Variants in JARID2 observed in about 807,000 individuals in gnomAD.
JARID2 encodes the protein protein Jumonji.
JARID2 carries 21 observed loss-of-function variants against 125.6 expected under a neutral mutation model. That is an observed-to-expected ratio of 0.17 (90% CI 0.12 to 0.24). The LOEUF is 0.24. JARID2 is among the 10% of genes least tolerant of loss of function. The pLI is 1.00. For synonymous variants in JARID2, 736 were observed against 661.6 expected (o/e 1.11, Z -1.73); for missense variants, 1,303 against 1,639.6 (o/e 0.79, Z 3.55).
intron 2 of JARID2, among the ~76,000 whole-genome samples, chr6:15,402,562 C>A (rs945552579): frequency 1.3e-5 from 2 of 150,674 alleles, no homozygotes; most frequent in African/African-American, 2.4e-5. Context: ...GAAAAAATCT[C>A]AAAAAAAAAT....
intron 1 of JARID2, among the ~76,000 whole-genome samples, chr6:15,372,748 C>G (rs1764220345): frequency 6.6e-6 from 1 of 151,768 alleles, no homozygotes; most frequent in Non-Finnish European, 1.5e-5. Flanking sequence ...CTCACTCTGT[C>G]TCCCAGGCTG....
At chr6:15,309,787 G>A (rs1761954574) in intron 1 of JARID2, among the ~76,000 whole-genome samples, 1 of 152,018 alleles carries the variant, frequency 6.6e-6, no homozygotes, top group African/African-American at 2.4e-5. Flanking sequence ...TGAAGGACAG[G>A]GATTAGCCAG....
At chr6:15,461,103 A>G (rs577915180) in intron 4 of JARID2, among the ~76,000 whole-genome samples, 13 of 152,334 alleles carry the variant, frequency 8.5e-5, no homozygotes, top group African/African-American at 2.2e-4. Context: ...TATGATTTCT[A>G]TATTCAGTGA....
chr6:15,293,891 C>T (rs1246723124), intron 1 of JARID2, among the ~76,000 whole-genome samples: 2 of 152,224 alleles, frequency 1.3e-5, no homozygotes, highest in Non-Finnish European at 2.9e-5. Flanking sequence ...CTGGCATTGG[C>T]TGCCAGGAGG....
intron 3 of JARID2, among the ~76,000 whole-genome samples, chr6:15,437,838 A>ATG (rs1561862617): frequency 6.6e-6 from 1 of 151,978 alleles, no homozygotes; most frequent in East Asian, 1.9e-4. Context: ...TCCTAATGGG[A>ATG]TGTGGGGGGC....
intron 7 of JARID2, among the ~76,000 whole-genome samples, chr6:15,498,472 C>T (rs1411568060): frequency 6.6e-6 from 1 of 152,164 alleles, no homozygotes; most frequent in African/African-American, 2.4e-5. Flanking sequence ...ATGAACTTGC[C>T]TTGTTAAGGC....
intron 3 of JARID2, among the ~76,000 whole-genome samples, chr6:15,440,632 G>A (rs956306182): frequency 6.6e-6 from 1 of 152,178 alleles, no homozygotes; most frequent in East Asian, 1.9e-4. Flanking sequence ...TCTTTGGGTT[G>A]TATTTAAATT....
At chr6:15,388,385 A>G (rs1253132784) in intron 2 of JARID2, among the ~76,000 whole-genome samples, 1 of 151,956 alleles carries the variant, frequency 6.6e-6, no homozygotes, top group Non-Finnish European at 1.5e-5. Flanking sequence ...CTTAATTTAC[A>G]ATTTGATTTT....
At chr6:15,399,587 TTTAG>T (rs1338467478) in intron 2 of JARID2, among the ~76,000 whole-genome samples, 1 of 152,208 alleles carries the variant, frequency 6.6e-6, no homozygotes, top group Non-Finnish European at 1.5e-5. Flanking sequence ...GCTTTAATTA[TTTAG>T]GAAACAAGAG....
intron 1 of JARID2, among the ~76,000 whole-genome samples, chr6:15,325,764 A>G (rs1762515671): frequency 6.6e-6 from 1 of 152,174 alleles, no homozygotes; most frequent in African/African-American, 2.4e-5. Flanking sequence ...TACCATGGTA[A>G]AAACTGAGAC....
chr6:15,471,171 T>C (rs1027488553), intron 5 of JARID2, among the ~76,000 whole-genome samples: 1 of 152,160 alleles, frequency 6.6e-6, no homozygotes, highest in Non-Finnish European at 1.5e-5. Flanking sequence ...AATGGGTTGA[T>C]TTGTGGAAAG....
chr6:15,276,472 A>T (rs1760526035), intron 1 of JARID2, among the ~76,000 whole-genome samples: 1 of 152,208 alleles, frequency 6.6e-6, no homozygotes, highest in South Asian at 2.1e-4. Flanking sequence ...GGAGAGCCAA[A>T]GGAGGTCTGG....
intron 2 of JARID2, among the ~76,000 whole-genome samples, chr6:15,403,387 G>T (rs6927319): frequency 0.17 from 26,360 of 151,978 alleles, 2,316 homozygotes; most frequent in Middle Eastern, 0.25. Flanking sequence ...TTGTCTTTTG[G>T]TGGTTCTTAC....
At chr6:15,359,652 G>C (rs1221322513) in intron 1 of JARID2, among the ~76,000 whole-genome samples, 1 of 151,876 alleles carries the variant, frequency 6.6e-6, no homozygotes, top group East Asian at 1.9e-4. Context: ...GGGTAGGGTT[G>C]ATTATAACCT....
At chr6:15,276,035 T>A (rs1760488902) in intron 1 of JARID2, among the ~76,000 whole-genome samples, 1 of 152,146 alleles carries the variant, frequency 6.6e-6, no homozygotes, top group African/African-American at 2.4e-5. Context: ...CTGCCTTAAT[T>A]TTTGGGCAAA....
At chr6:15,339,369 A>G (rs1471672241) in intron 1 of JARID2, among the ~76,000 whole-genome samples, 1 of 152,076 alleles carries the variant, frequency 6.6e-6, no homozygotes, top group Non-Finnish European at 1.5e-5. Flanking sequence ...TATCAGGAGG[A>G]AGTTGCAAAA....
At chr6:15,437,854 G>A (rs1454877492) in intron 3 of JARID2, among the ~76,000 whole-genome samples, 3 of 152,102 alleles carry the variant, frequency 2.0e-5, no homozygotes, top group African/African-American at 4.8e-5. Context: ...GGGGCAAAAG[G>A]GCGATTCTGG....
intron 2 of JARID2, among the ~76,000 whole-genome samples, chr6:15,375,829 C>A (rs1037948191): frequency 2.0e-5 from 3 of 152,178 alleles, no homozygotes; most frequent in African/African-American, 7.2e-5. Flanking sequence ...GATGCTCTCA[C>A]TGTACTGTTC....
chr6:15,469,034 G>GC, intron 5 of JARID2, among the ~76,000 whole-genome samples: 1 of 152,154 alleles, frequency 6.6e-6, no homozygotes, highest in Non-Finnish European at 1.5e-5. Context: ...CAACATCTGT[G>GC]CCCCCCTTTA....
Sources: allele counts gnomAD v4.1 joint callset (sites outside exome capture counted in the v4.1 genomes callset), GRCh38; gene constraint gnomAD v4.1.1; transcripts MANE v1.5; gene names NCBI Gene and HGNC (gene_info 2026-07-23, HGNC 2026-07-21).